Variants in GLMN observed in about 807,000 individuals in gnomAD.
GLMN encodes glomulin.
A neutral mutation model predicts 87.8 loss-of-function variants in GLMN; 75 were observed. The observed-to-expected ratio is 0.85, with a 90% CI of 0.71 to 1.04. The LOEUF (loss-of-function observed/expected upper bound fraction) is 1.04, where lower values mean the gene tolerates loss of function less well. Ranked by LOEUF, GLMN falls within the 50% of genes least tolerant of loss-of-function variation. The pLI is 0.00. For missense variants in GLMN, 588 were observed against 658.8 expected (o/e 0.89, Z 1.18); for synonymous variants, 206 against 221.6 (o/e 0.93, Z 0.63).
chr1:92,347,836 G>C, the GLMN span, among the ~76,000 whole-genome samples: 1 of 152,022 alleles, frequency 6.6e-6, no homozygotes, highest in East Asian at 1.9e-4. Context: ...TAAAAATTGT[G>C]CCTTAATTGA....
At chr1:92,368,795 T>G in the GLMN span, among the ~76,000 whole-genome samples, 1 of 152,256 alleles carries the variant, frequency 6.6e-6, no homozygotes, top group African/African-American at 2.4e-5. Context: ...TTTTGATGTG[T>G]AGCATATGTG....
chr1:92,321,008 C>T, the GLMN span, among the ~76,000 whole-genome samples: 1 of 152,184 alleles, frequency 6.6e-6, no homozygotes, highest in Admixed American at 6.5e-5. Flanking sequence ...GTACCAGTTA[C>T]TTAATTATTT....
chr1:92,287,163 GCTGGTGCTAGT>G (rs1468213453), intron 6 of GLMN, among the ~76,000 whole-genome samples: 1 of 152,104 alleles, frequency 6.6e-6, no homozygotes, highest in Non-Finnish European at 1.5e-5. Context: ...ATGTTTGAGG[GCTGGTGCTAGT>G]CTATGATGTT....
the GLMN span, among the ~76,000 whole-genome samples, chr1:92,317,831 C>T: frequency 1.3e-5 from 2 of 152,098 alleles, no homozygotes; most frequent in African/African-American, 4.8e-5. Flanking sequence ...GGAGATGTTG[C>T]ATAAAGCTGT....
In GLMN at chr1:92,291,537, C is replaced by A. The variant is rs199704366; in HGVS notation, c.166G>T (p.Val56Phe). ...TTCCAGCCCATATTCTTGATGATGA[C>A]CTGTAAAAACATTTTCAGAGTAAAG... The part of the protein sequence containing the change: ...LEIIQNEKNK[V>F]IIKNMGWNLV... Residue 56 changes from valine to phenylalanine, a missense_variant and splice_region_variant, in exon 4 of 19, where the codon GTC (valine) becomes TTC (phenylalanine). Transcript: ENST00000370360. 9.3e-6 allele frequency: 15 copies of A among 1,613,536 alleles called. No homozygotes were observed. The Admixed American group carries it at 2.5e-4, about 27-fold the overall frequency.
At chr1:92,351,029 G>A in the GLMN span, among the ~76,000 whole-genome samples, 1 of 151,970 alleles carries the variant, frequency 6.6e-6, no homozygotes, top group Admixed American at 6.6e-5. Context: ...AGAAAGGACA[G>A]TAGGCGGGGT....
the GLMN span, chr1:92,307,300 A>G: frequency 1.2e-5 from 17 of 1,435,742 alleles, no homozygotes; most frequent in East Asian, 3.9e-4. Context: ...TTGTGTATAT[A>G]CATTTGTTCA....
the GLMN span, among the ~76,000 whole-genome samples, chr1:92,309,876 T>C: frequency 6.6e-6 from 1 of 152,220 alleles, no homozygotes; most frequent in African/African-American, 2.4e-5. Context: ...AGGGCCAGGC[T>C]GAGTGTGGTA....
chr1:92,314,258 A>G, the GLMN span, among the ~76,000 whole-genome samples: 1 of 152,154 alleles, frequency 6.6e-6, no homozygotes, highest in African/African-American at 2.4e-5. Flanking sequence ...AAAGTGAAAG[A>G]AAGTGTGACT....
chr1:92,318,988 T>G, the GLMN span, among the ~76,000 whole-genome samples: 40 of 151,406 alleles, frequency 2.6e-4, no homozygotes, highest in Non-Finnish European at 5.7e-4. Context: ...ATCAAAGGAT[T>G]GTTTGTTTGT....
At chr1:92,314,946 G>A in the GLMN span, among the ~76,000 whole-genome samples, 12 of 150,132 alleles carry the variant, frequency 8.0e-5, no homozygotes, top group African/African-American at 2.9e-4. Context: ...TCGGGAGGCT[G>A]AGGTGCGAGA....
intron 16 of GLMN, among the ~76,000 whole-genome samples, chr1:92,254,567 C>T (rs1653979799): frequency 1.3e-5 from 2 of 152,212 alleles, no homozygotes; most frequent in South Asian, 4.1e-4. Context: ...AACAGCGGTT[C>T]TCTCTGCAGA....
intron 7 of GLMN, among the ~76,000 whole-genome samples, chr1:92,277,377 T>A (rs889043953): frequency 6.6e-6 from 1 of 152,208 alleles, no homozygotes; most frequent in African/African-American, 2.4e-5. Flanking sequence ...ATTTGCTCTT[T>A]GTTCCCACTT....
the GLMN span, among the ~76,000 whole-genome samples, chr1:92,334,015 C>T: frequency 2.0e-5 from 3 of 152,088 alleles, no homozygotes; most frequent in Non-Finnish European, 4.4e-5. Context: ...TTAAAAATTG[C>T]TATCTTGGTT....
chr1:92,269,755 A>C lies in GLMN; in HGVS notation c.945T>G (p.Phe315Leu), dbSNP rs375563102. 6.2e-7 allele frequency: 1 copy of C among 1,607,154 alleles called. No individual in the cohort carries two copies. Among genetic ancestry groups the C allele is most frequent in the African/African-American group, 1.3e-5 (1 of 74,804 alleles). Residue 315 changes from phenylalanine to leucine, a missense_variant, in exon 9 of 19, where the codon TTT (phenylalanine) becomes TTG (leucine). Coordinates refer to ENST00000370360, the MANE Select transcript of GLMN (RefSeq NM_053274.3). ...AAAAGACTTCAATGTGCCCCATATT[A>C]AACTGCAAAAGGTACAATGGGCTAA... ...MVLSPLYLLQFNMGHIEVFLQ... is the reference protein window; with the variant it reads ...MVLSPLYLLQLNMGHIEVFLQ...
At chr1:92,323,691 C>T in the GLMN span, 1 of 1,613,946 alleles carries the variant, frequency 6.2e-7, no homozygotes, top group Non-Finnish European at 8.5e-7. Flanking sequence ...ACAAAGCTAA[C>T]TCCAAACACA....
chr1:92,319,294 C>T, the GLMN span, among the ~76,000 whole-genome samples: 1 of 152,146 alleles, frequency 6.6e-6, no homozygotes, highest in African/African-American at 2.4e-5. Context: ...ATGAGCTTTA[C>T]TGTCTGGGTT....
chr1:92,360,163 C>T, the GLMN span, among the ~76,000 whole-genome samples: 1 of 152,186 alleles, frequency 6.6e-6, no homozygotes, highest in Non-Finnish European at 1.5e-5. Flanking sequence ...AACCAGAACA[C>T]TGTTAAAGAG....
the GLMN span, among the ~76,000 whole-genome samples, chr1:92,349,107 A>G: frequency 1.3e-5 from 2 of 152,228 alleles, no homozygotes; most frequent in African/African-American, 4.8e-5. Context: ...TAATTATCCT[A>G]TTATTCAGAA....
Sources: gnomAD v4.1 joint callset for allele counts (sites outside exome capture counted in the v4.1 genomes callset) on GRCh38, gnomAD v4.1.1 for gene constraint, MANE v1.5 for transcripts, NCBI Gene and HGNC (gene_info 2026-07-23, HGNC 2026-07-21) for gene names.